SYN3: variants seen among roughly 807,000 people sequenced by gnomAD.
SYN3 encodes the protein synapsin III.
SYN3 carries 35 observed loss-of-function variants against 65.8 expected under a neutral mutation model. The observed-to-expected ratio is 0.53, with a 90% confidence interval of 0.41 to 0.70. The LOEUF (loss-of-function observed/expected upper bound fraction) is 0.70. SYN3 is among the 30% of genes least tolerant of loss of function. The probability of loss-of-function intolerance (pLI) is 0.00; values close to 1 mark genes in which losing one functional copy is unlikely to be tolerated. For missense variants in SYN3, 680 were observed against 749.0 expected (o/e 0.91, Z 1.08); for synonymous variants, 270 against 292.9 (o/e 0.92, Z 0.80).
At chr22:33,027,639 G>A (rs112659721) in intron 1 of SYN3, among the ~76,000 whole-genome samples, 198 of 60,278 alleles carry the variant, frequency 3.3e-3, no homozygotes, top group African/African-American at 8.2e-3. Flanking sequence ...CAGACAGACA[G>A]AGAGAGAGAG....
intron 1 of SYN3, among the ~76,000 whole-genome samples, chr22:33,045,459 CTTTT>C (rs745442160): frequency 5.9e-5 from 5 of 84,716 alleles, no homozygotes; most frequent in African/African-American, 8.7e-5. Flanking sequence ...GCTCTACTTT[CTTTT>C]TTTTTTTTTT....
chr22:32,875,805 T>C (rs923734358), intron 4 of SYN3, among the ~76,000 whole-genome samples: 1 of 152,148 alleles, frequency 6.6e-6, no homozygotes, highest in Non-Finnish European at 1.5e-5. Context: ...AGAAGGAGCA[T>C]GGCATAGGAG....
At chr22:32,628,811 C>A (rs2059706626) in intron 6 of SYN3, among the ~76,000 whole-genome samples, 1 of 152,126 alleles carries the variant, frequency 6.6e-6, no homozygotes, top group Admixed American at 6.5e-5. Flanking sequence ...GCTGTTCCCC[C>A]TGTAAGCTGT....
At chr22:32,925,420 A>G (rs2146660496) in intron 4 of SYN3, among the ~76,000 whole-genome samples, 1 of 152,318 alleles carries the variant, frequency 6.6e-6, no homozygotes, top group South Asian at 2.1e-4. Flanking sequence ...AGCATAATTC[A>G]TCTCATAACA....
intron 6 of SYN3, among the ~76,000 whole-genome samples, chr22:32,680,748 T>C (rs1319660759): frequency 1.3e-5 from 2 of 152,248 alleles, no homozygotes; most frequent in Non-Finnish European, 2.9e-5. Flanking sequence ...TCCTCTCTTT[T>C]ATGTTCATGG....
chr22:32,631,772 T>G (rs1025751017), intron 6 of SYN3, among the ~76,000 whole-genome samples: 1 of 152,154 alleles, frequency 6.6e-6, no homozygotes, highest in African/African-American at 2.4e-5. Context: ...GATGAAGACA[T>G]TGAGGTCCAG....
chr22:32,650,058 C>G (rs1289210712), intron 6 of SYN3, among the ~76,000 whole-genome samples: 1 of 152,066 alleles, frequency 6.6e-6, no homozygotes, highest in African/African-American at 2.4e-5. Flanking sequence ...TGCTATAGAA[C>G]TCTTCCCCCA....
intron 6 of SYN3, among the ~76,000 whole-genome samples, chr22:32,599,638 G>T (rs1020910780): frequency 2.0e-5 from 3 of 152,108 alleles, no homozygotes; most frequent in African/African-American, 7.2e-5. Flanking sequence ...TATGTGTCTT[G>T]ACTCTCCATC....
intron 1 of SYN3, among the ~76,000 whole-genome samples, chr22:33,049,052 C>T (rs1228758421): frequency 6.6e-6 from 1 of 152,126 alleles, no homozygotes; most frequent in Non-Finnish European, 1.5e-5. Flanking sequence ...GTTTCATACA[C>T]AAAAACCATG....
intron 7 of SYN3, among the ~76,000 whole-genome samples, chr22:32,591,959 C>T (rs2059133518): frequency 6.6e-6 from 1 of 152,160 alleles, no homozygotes; most frequent in Admixed American, 6.5e-5. Context: ...GTTACTGGAT[C>T]CATTATCACG....
In SYN3 at chr22:32,939,574, T is replaced by C. The variant is rs2050878879; in HGVS notation, c.370-8093A>G. The stretch of plus-strand genomic sequence containing the variant: ...TTTTAATGTCTTCTATCTCATAGAT[T>C]AGTTTTACATGTTCGTGAACTTGCT... On this transcript the variant is annotated intron_variant, in intron 3 of 13. Transcript: ENST00000358763. Among the ~76,000 whole-genome samples, 4 of 152,216 alleles carry C rather than the reference T, an allele frequency of 2.6e-5. No individual in the cohort carries two copies. The South Asian group carries it at 8.3e-4, about 32-fold the overall frequency.
chr22:32,798,685 CTTTTTTTTTTTT>C (rs751710119), intron 6 of SYN3, among the ~76,000 whole-genome samples: 8 of 92,494 alleles, frequency 8.6e-5, no homozygotes, highest in East Asian at 5.7e-4. Flanking sequence ...CATCTTCATT[CTTTTTTTTTTTT>C]TTTTTTTTTT....
chr22:32,642,485 G>C (rs1195458619), intron 6 of SYN3, among the ~76,000 whole-genome samples: 2 of 151,098 alleles, frequency 1.3e-5, no homozygotes, highest in Non-Finnish European at 2.9e-5. Context: ...CTGTCGCCCA[G>C]GCTGGAGTGC....
chr22:32,897,503 G>A (rs1468271986), intron 4 of SYN3, among the ~76,000 whole-genome samples: 3 of 152,148 alleles, frequency 2.0e-5, no homozygotes, highest in African/African-American at 7.2e-5. Flanking sequence ...CTTCCCCGCC[G>A]GCCTCCCATC....
chr22:32,873,504 T>C (rs1346670153), intron 4 of SYN3, among the ~76,000 whole-genome samples: 1 of 152,092 alleles, frequency 6.6e-6, no homozygotes, highest in Non-Finnish European at 1.5e-5. Flanking sequence ...GGGGGTGTAG[T>C]GGACTGTGCT....
chr22:32,955,781 A>T (rs1001217326), intron 3 of SYN3, among the ~76,000 whole-genome samples: 5 of 152,026 alleles, frequency 3.3e-5, no homozygotes, highest in Non-Finnish European at 7.4e-5. Context: ...TGGGGAAGGC[A>T]GACTCACCCT....
intron 7 of SYN3, among the ~76,000 whole-genome samples, chr22:32,574,333 G>A (rs1295919653): frequency 2.0e-5 from 3 of 152,052 alleles, no homozygotes; most frequent in African/African-American, 7.2e-5. Flanking sequence ...AAAAAAAGTA[G>A]CCATGTTTGG....
At chr22:32,769,026 C>T (rs546739619) in intron 6 of SYN3, among the ~76,000 whole-genome samples, 1 of 152,176 alleles carries the variant, frequency 6.6e-6, no homozygotes, top group Admixed American at 6.5e-5. Flanking sequence ...CTAGGTATCA[C>T]CCCTTTCGCC....
At chr22:32,804,306 A>C (rs1015397416) in intron 6 of SYN3, among the ~76,000 whole-genome samples, 3 of 152,114 alleles carry the variant, frequency 2.0e-5, no homozygotes, top group Non-Finnish European at 2.9e-5. Flanking sequence ...CTCGCCTTGC[A>C]CAGCACCCTG....
Sources: allele counts gnomAD v4.1 joint callset (sites outside exome capture counted in the v4.1 genomes callset), GRCh38; gene constraint gnomAD v4.1.1; transcripts MANE v1.5; gene names NCBI Gene and HGNC (gene_info 2026-07-23, HGNC 2026-07-21).